MROH2B: variants seen among roughly 807,000 people sequenced by gnomAD.
MROH2B encodes maestro heat-like repeat-containing protein family member 2B.
A neutral mutation model predicts 208.6 loss-of-function variants in MROH2B; 177 were observed. The ratio of observed to expected loss-of-function variants is 0.85; its 90% CI spans 0.75 to 0.96. MROH2B has a LOEUF of 0.96. MROH2B is among the 40% of genes least tolerant of loss of function. The pLI, the probability that MROH2B is intolerant of heterozygous loss-of-function variation, is 0.00. For missense variants in MROH2B, 2,002 were observed against 1,878.7 expected (o/e 1.07, Z -1.21); for synonymous variants, 728 against 659.0 (o/e 1.10, Z -1.60).
At chr5:41,012,820 T>C (rs1186174440) in intron 29 of MROH2B, 85 bp from the exon 30 acceptor site, 1 of 1,534,266 alleles carries the variant, frequency 6.5e-7, no homozygotes, top group Non-Finnish European at 8.8e-7. Context: ...TGGTTTGTTT[T>C]GGGTATTAGA....
At chr5:41,047,948 T>G (rs1743172441) in intron 16 of MROH2B, among the ~76,000 whole-genome samples, 184 bp from the exon 17 acceptor site, 1 of 152,218 alleles carries the variant, frequency 6.6e-6, no homozygotes, top group Admixed American at 6.5e-5. Flanking sequence ...GAGAAGGTCT[T>G]CAATCTATCA....
At chr5:41,049,828 T>C (rs1352983143) in intron 13 of MROH2B, among the ~76,000 whole-genome samples, 1 of 152,142 alleles carries the variant, frequency 6.6e-6, no homozygotes, top group Non-Finnish European at 1.5e-5. Context: ...GGAGTGTGAC[T>C]TCCCCAGTTG....
At chr5:41,067,313 A>G (rs1743842048) in intron 2 of MROH2B, 95 bp from the exon 3 acceptor site, 1 of 681,346 alleles carries the variant, frequency 1.5e-6, no homozygotes, top group South Asian at 1.6e-5. Context: ...AGTAAGCAAT[A>G]TATCTTTACT....
chr5:41,003,947 C>T (rs1172767812), intron 37 of MROH2B, among the ~76,000 whole-genome samples: 4 of 152,152 alleles, frequency 2.6e-5, no homozygotes, highest in Admixed American at 1.3e-4. Flanking sequence ...AGCTGGCAAA[C>T]GTTTTCTCTA....
chr5:41,015,970 T>TAGG (rs1741935323), intron 28 of MROH2B, among the ~76,000 whole-genome samples: 1 of 152,218 alleles, frequency 6.6e-6, no homozygotes, highest in African/African-American at 2.4e-5. Flanking sequence ...TGATATCAAT[T>TAGG]TATAAATGCA....
rs957636648 is a variant in MROH2B, at chr5:41,055,548, C to A, written c.1033+194G>T. Among the ~76,000 whole-genome samples, 3 of 149,560 alleles carry A rather than the reference C, an allele frequency of 2.0e-5. No individual in the cohort carries two copies. The South Asian group carries it at 6.3e-4, about 31-fold the overall frequency. The stretch of plus-strand genomic sequence containing the variant: ...CAACTGGGTGCATCCATAAATGTTA[C>A]GAAAGAAGAGAAGTAACTAAAGATG... On this transcript the variant is annotated intron_variant, in intron 10 of 41. Coordinates refer to ENST00000399564, the MANE Select transcript of MROH2B (RefSeq NM_173489.5).
At position 41,048,418 on chromosome 5, in the gene MROH2B, T is replaced by G. The variant is rs1351465171; in HGVS notation, c.1590A>C (p.Ala530=). Residue 530 remains alanine (A), a synonymous_variant, in exon 16 of 42, where the codon GCA becomes GCC. Coordinates refer to ENST00000399564, the MANE Select transcript of MROH2B (RefSeq NM_173489.5). ...ASLGELRGAG[A]IGLLKILPEI... is the part of the protein sequence containing the mutation. ...CAGGCAGTATCTTCAAAAGCCCTAT[T>G]GCACCAGCCCCACGTAACTCCCCTA... is the stretch of plus-strand genomic sequence containing the variant. 3 of 1,613,632 alleles carry G rather than the reference T, an allele frequency of 1.9e-6. No homozygotes were observed. The highest frequency in any genetic ancestry group is 2.5e-6 in the Non-Finnish European group (3 of 1,179,702).
chr5:41,025,788 T>C (rs1489198625), intron 24 of MROH2B, among the ~76,000 whole-genome samples: 2 of 152,152 alleles, frequency 1.3e-5, no homozygotes, highest in East Asian at 3.8e-4. Context: ...AAATCCTCAA[T>C]AAAATACTGG....
intron 21 of MROH2B, among the ~76,000 whole-genome samples, chr5:41,037,863 T>C (rs325836): frequency 0.16 from 23,814 of 152,196 alleles, 1,957 homozygotes; most frequent in East Asian, 0.26. Flanking sequence ...TTACACTTGA[T>C]TCTTGTGTGA....
intron 2 of MROH2B, among the ~76,000 whole-genome samples, chr5:41,069,070 T>C (rs1316097800): frequency 6.6e-6 from 1 of 152,176 alleles, no homozygotes; most frequent in Non-Finnish European, 1.5e-5. Flanking sequence ...TATAGTCCTG[T>C]TGTTCTTAGT....
intron 5 of MROH2B, among the ~76,000 whole-genome samples, chr5:41,062,710 A>G (rs1011775265): frequency 6.6e-6 from 1 of 152,154 alleles, no homozygotes; most frequent in African/African-American, 2.4e-5. Flanking sequence ...CCTGGAAAGG[A>G]CCCTGAGCAT....
chr5:41,033,183 G>T, intron 22 of MROH2B, 23 bp from the exon 23 acceptor site: 4 of 1,610,956 alleles, frequency 2.5e-6, no homozygotes, highest in Non-Finnish European at 2.5e-6. Flanking sequence ...CATTTACAAT[G>T]CAAGTCAAGG....
At chr5:41,032,678 G>T in intron 24 of MROH2B, 64 bp downstream of exon 24, 1 of 1,347,724 alleles carries the variant, frequency 7.4e-7, no homozygotes, top group Non-Finnish European at 1.0e-6. Flanking sequence ...ACAGATGTTA[G>T]TTGATCAGGA....
At chr5:41,004,750 A>AT in intron 36 of MROH2B, 24 bp downstream of exon 36, 2 of 1,604,588 alleles carry the variant, frequency 1.2e-6, no homozygotes, top group Non-Finnish European at 1.7e-6. Context: ...TAAATGAACC[A>AT]TTTCCCCTTA....
intron 24 of MROH2B, among the ~76,000 whole-genome samples, chr5:41,029,653 A>C (rs1742498267): frequency 6.6e-6 from 1 of 152,190 alleles, no homozygotes; most frequent in Non-Finnish European, 1.5e-5. Context: ...TAAATGTAAG[A>C]GTTAAAACTA....
intron 24 of MROH2B, among the ~76,000 whole-genome samples, 172 bp downstream of exon 24, chr5:41,032,570 C>T (rs771710866): frequency 9.2e-5 from 14 of 152,018 alleles, no homozygotes; most frequent in East Asian, 3.9e-4. Context: ...ATTTCTCAGC[C>T]AGATCCATAA....
chr5:41,068,065 G>C (rs942529989), intron 2 of MROH2B, among the ~76,000 whole-genome samples: 1 of 152,172 alleles, frequency 6.6e-6, no homozygotes, highest in African/African-American at 2.4e-5. Context: ...TGCCCTGTGT[G>C]AGGAATTGTA....
chr5:41,017,744 GGA>G, intron 28 of MROH2B, 104 bp downstream of exon 28: 1 of 1,272,670 alleles, frequency 7.9e-7, no homozygotes, highest in Non-Finnish European at 1.1e-6. Flanking sequence ...AGAGGAGAGA[GGA>G]GAGGGGAGGA....
rs559314231 is a variant in MROH2B at position 41,014,629 on chromosome 5, C to A, written c.2982+752G>T. 4.6e-5 allele frequency among the ~76,000 whole-genome samples: 7 copies of A among 152,190 alleles called. No homozygotes were observed. The South Asian group carries it at 1.5e-3, about 32-fold the overall frequency. On this transcript the variant is annotated intron_variant, in intron 29 of 41. Coordinates refer to ENST00000399564, the MANE Select transcript of MROH2B (RefSeq NM_173489.5). ...AAAAAAACCAAGTTCCTTAAAAAGG[C>A]CCAGAAGGCCCTTGGATCAGCCTCC... is the stretch of plus-strand genomic sequence containing the variant.
Sources: allele counts gnomAD v4.1 joint callset (sites outside exome capture counted in the v4.1 genomes callset), GRCh38; gene constraint gnomAD v4.1.1; transcripts MANE v1.5; gene names NCBI Gene and HGNC (gene_info 2026-07-23, HGNC 2026-07-21).